RGS2: variants seen among roughly 807,000 people sequenced by gnomAD.
The protein encoded by RGS2 is regulator of G protein signaling 2.
In RGS2, 20 loss-of-function variants were observed where a neutral mutation model predicts 26.6. The ratio of observed to expected loss-of-function variants is 0.75; its 90% CI spans 0.53 to 1.09. RGS2 has a LOEUF of 1.09. RGS2 is among the 50% of genes least tolerant of loss of function. The pLI, the probability that RGS2 is intolerant of heterozygous loss-of-function variation, is 0.00. For missense variants in RGS2, 246 were observed against 245.5 expected, an observed-to-expected ratio of 1.00 and a Z score of -0.01; for synonymous variants, 97 against 79.9, an observed-to-expected ratio of 1.21 and a Z score of -1.14.
Position 192,811,664 on chromosome 1 carries a change from G to A in RGS2, c.*68G>A. The A allele has an allele frequency of 1.4e-6, 2 of 1,442,100 alleles. No individual in the cohort carries two copies. The highest frequency in any genetic ancestry group is 2.0e-6 in the Non-Finnish European group (2 of 1,023,510). 89.3% of individuals were successfully genotyped at this position (1,442,100 alleles called of 1,614,324 possible). On this transcript the variant is annotated 3_prime_UTR_variant, in exon 5 of 5. Transcript: ENST00000235382. Reference sequence around the variant, plus strand: ...TTCCTGAGGGGAAGGACTGTGACCTGCCATAAAGACTGACCTTGAATTCAG... The same window carrying A: ...TTCCTGAGGGGAAGGACTGTGACCTACCATAAAGACTGACCTTGAATTCAG...
rs1205606828 is a variant in RGS2 at position 192,810,424 on chromosome 1, C to G, written c.267C>G (p.Ala89=). Residue 89 remains alanine, a synonymous_variant, in exon 3 of 5, where the codon GCC becomes GCG. Coordinates refer to ENST00000235382, the MANE Select transcript of RGS2 (RefSeq NM_002923.4). ...CAGAAGCATTTGACGAGCTGCTAGC[C>G]AGCAAATGTAAGTTAACTCTTGAGC... ...LWSEAFDELL[A]SKYGLAAFRA... The G allele has an allele frequency of 1.9e-6, 3 of 1,614,022 alleles. No homozygotes were observed. The highest frequency in any genetic ancestry group is 3.3e-5 in the Admixed American group (2 of 60,026).
chr1:192,811,577 C>A lies in RGS2; in HGVS notation c.617C>A (p.Thr206Lys), dbSNP rs776294332. The A allele has an allele frequency of 6.2e-7, 1 of 1,613,970 alleles. No individual in the cohort carries two copies. Reference protein sequence around the residue: ...QDLCKKPQITTEPHAT With the variant: ...QDLCKKPQITKEPHAT ...TTGTGTAAAAAGCCACAAATCACCA[C>A]AGAGCCTCATGCTACATGAAATGTA... Residue 206 changes from threonine to lysine, a missense_variant, in exon 5 of 5, where the codon ACA becomes AAA. Coordinates refer to ENST00000235382, the MANE Select transcript of RGS2 (RefSeq NM_002923.4).
intron 3 of RGS2, 77 bp from the exon 4 acceptor site, chr1:192,810,904 G>A: frequency 7.4e-7 from 1 of 1,346,824 alleles, no homozygotes; most frequent in East Asian, 2.3e-5. Flanking sequence ...AAAATGTGAG[G>A]GATAGGAGAA....
chr1:192,809,323 T>TA, intron 1 of RGS2, 142 bp downstream of exon 1: 1 of 707,906 alleles, frequency 1.4e-6, no homozygotes. Flanking sequence ...GTCAATTTGT[T>TA]AAGTAAGGTT....
At chr1:192,809,286 C>T in intron 1 of RGS2, 105 bp downstream of exon 1, 2 of 835,804 alleles carry the variant, frequency 2.4e-6, no homozygotes, top group Non-Finnish European at 4.2e-6. Flanking sequence ...CTAGCCTGAG[C>T]CTATGCAGGG....
chr1:192,809,828 A>G (rs1665555889), intron 1 of RGS2, among the ~76,000 whole-genome samples: 1 of 152,204 alleles, frequency 6.6e-6, no homozygotes, highest in Non-Finnish European at 1.5e-5. Context: ...CGGAATTGTA[A>G]TTAACCTTGC....
intron 3 of RGS2, 104 bp downstream of exon 3, chr1:192,810,535 A>T: frequency 2.1e-6 from 2 of 940,096 alleles, no homozygotes; most frequent in South Asian, 2.6e-5. Context: ...ATTAGACTGC[A>T]GTCACTATAG....
At chr1:192,809,313 G>C (rs1665548944) in intron 1 of RGS2, 132 bp downstream of exon 1, 2 of 732,474 alleles carry the variant, frequency 2.7e-6, no homozygotes, top group African/African-American at 1.7e-5. Context: ...AATCGAAAAG[G>C]TCAATTTGTT....
chr1:192,811,307 C>T (rs920954760), intron 4 of RGS2, 95 bp from the exon 5 acceptor site: 37 of 1,295,582 alleles, frequency 2.9e-5, no homozygotes, highest in Non-Finnish European at 3.1e-5. Context: ...GCTAGTAAAG[C>T]TAATCACACA....
In RGS2 at chr1:192,811,021, C is replaced by G. The variant is rs149228054; in HGVS notation, c.315C>G (p.Phe105Leu). ...AAFRAFLKSE[F>L]CEENIEFWLA... ...TCAGGGCTTTTTTAAAGTCGGAATT[C>G]TGTGAAGAAAATATTGAATTCTGGC... Residue 105 changes from phenylalanine (F) to leucine (L), a missense_variant, in exon 4 of 5, where the codon TTC (phenylalanine) becomes TTG (leucine). Coordinates refer to ENST00000235382, the MANE Select transcript of RGS2 (RefSeq NM_002923.4). The G allele has an allele frequency of 1.9e-6, 3 of 1,614,090 alleles. No individual in the cohort carries two copies. The highest frequency in any genetic ancestry group is 2.5e-6 in the Non-Finnish European group (3 of 1,179,992).
At chr1:192,810,812 A>G in intron 3 of RGS2, 169 bp from the exon 4 acceptor site, 2 of 732,784 alleles carry the variant, frequency 2.7e-6, no homozygotes, top group Non-Finnish European at 4.7e-6. Context: ...CCTTTTGCCT[A>G]CTGGTATCTT....
In RGS2 at chr1:192,810,387, C is replaced by T. The variant is rs1665571982; in HGVS notation, c.230C>T (p.Ala77Val). 1 of 1,614,054 alleles carries T rather than the reference C, an allele frequency of 6.2e-7. No homozygotes were observed. The highest frequency in any genetic ancestry group is 1.3e-5 in the African/African-American group (1 of 74,924). Residue 77 changes from alanine (A) to valine (V), a missense_variant, in exon 3 of 5, where the codon GCA becomes GTA. Physicochemically the swap from Ala to Val is moderately conservative, Grantham distance 64. Transcript: ENST00000235382. ...TCTTGCAGGCCTTCTCCTGAGGAAG[C>T]ACAGCTGTGGTCAGAAGCATTTGAC... is the stretch of plus-strand genomic sequence containing the variant. Reference protein sequence around the residue: ...QAFIKPSPEEAQLWSEAFDEL... With the variant: ...QAFIKPSPEEVQLWSEAFDEL...
chr1:192,810,489 CG>C (rs1316973586), intron 3 of RGS2, 58 bp downstream of exon 3: 4 of 1,486,620 alleles, frequency 2.7e-6, no homozygotes, highest in East Asian at 2.3e-5. Flanking sequence ...GGAAAGGCTG[CG>C]TCCACCTAAC....
rs964421059 is a variant in RGS2 at position 192,810,217 on chromosome 1, T to C, written c.162T>C (p.Thr54=). ...RLSYFLQNSS[T]PGKPKTGKKS... ...GCTACTTCTTACAAAATTCCTCTAC[T>C]CCTGGGAAGCCCAAAACCGGCAAAA... The change falls in exon 2 of 5, where the codon ACT becomes ACC. Residue 54 remains threonine (T), a synonymous_variant. Transcript: ENST00000235382. The C allele has an allele frequency of 1.2e-6, 2 of 1,614,116 alleles. No individual in the cohort carries two copies. The highest frequency in any genetic ancestry group is 1.7e-6 in the Non-Finnish European group (2 of 1,179,936).
Position 192,811,159 on chromosome 1 carries a change from A to G in RGS2, c.441+12A>G. On this transcript the variant is annotated intron_variant, in intron 4 of 4. Transcript: ENST00000235382. ...AAGCTCCAAAAGAGGTAAGGAAACA[A>G]GTTCCTAATTTCAGCACAATCTGGA... 1 of 1,613,756 alleles carries G rather than the reference A, an allele frequency of 6.2e-7. No homozygotes were observed. The highest frequency in any genetic ancestry group is 1.3e-5 in the African/African-American group (1 of 75,016).
rs558081612 is a variant in RGS2, at chr1:192,810,053, A to G, written c.111-113A>G. 1.1e-5 allele frequency: 8 copies of G among 723,264 alleles called. No homozygotes were observed. In the East Asian group the frequency reaches 1.9e-4, roughly 17 times the overall value. The allele number at this position is 723,264 out of a possible 1,614,324, so 44.8% of individuals were successfully genotyped here. On this transcript the variant is annotated intron_variant, in intron 1 of 4. Coordinates refer to ENST00000235382, the MANE Select transcript of RGS2 (RefSeq NM_002923.4). ...ATTTGAAGAGTTCTTGCTTTGCCTT[A>G]TGCGGTTTGTCTCTAGTTACTGGGT... is the stretch of plus-strand genomic sequence containing the variant.
In RGS2 at chr1:192,809,170, G is replaced by T; in HGVS notation, c.99G>T (p.Met33Ile). The T allele has an allele frequency of 6.2e-7, 1 of 1,610,986 alleles. No individual in the cohort carries two copies. The highest frequency in any genetic ancestry group is 8.5e-7 in the Non-Finnish European group (1 of 1,177,152). ...GHKSEEKREK[M>I]KRTLLKDWKT... ...AGAGCGAGGAGAAGCGAGAAAAGAT[G>T]AAACGGACCCTGTGAGTATGGCTTT... is the stretch of plus-strand genomic sequence containing the variant. Residue 33 changes from methionine to isoleucine, a missense_variant, in exon 1 of 5, where the codon ATG (methionine) becomes ATT (isoleucine). Transcript: ENST00000235382.
At chr1:192,809,539 A>G in intron 1 of RGS2, 1 of 367,870 alleles carries the variant, frequency 2.7e-6, no homozygotes. Flanking sequence ...CTGGAAGGTG[A>G]TGCTCTTGCT....
At position 192,811,855 on chromosome 1, in the gene RGS2, A is replaced by G; in HGVS notation, c.*259A>G. 1.9e-6 allele frequency: 1 copy of G among 523,658 alleles called. No individual in the cohort carries two copies. The highest frequency in any genetic ancestry group is 3.5e-6 in the Non-Finnish European group (1 of 288,944). The allele number at this position is 523,658 out of a possible 1,614,324, so 32.4% of individuals were successfully genotyped here. On this transcript the variant is annotated 3_prime_UTR_variant, in exon 5 of 5. Transcript: ENST00000235382. ...TCTGAACGTGGTGTCTCACTCTGAA[A>G]AGCAGGAATGTAAGATGATGAAAGA...
Sources: gnomAD v4.1 joint callset for allele counts (sites outside exome capture counted in the v4.1 genomes callset) on GRCh38, gnomAD v4.1.1 for gene constraint, MANE v1.5 for transcripts, NCBI Gene and HGNC (gene_info 2026-07-23, HGNC 2026-07-21) for gene names.